The following ARID4B variants were observed in gnomAD, a reference collection of about 807,000 sequenced individuals.
ARID4B encodes AT-rich interactive domain-containing protein 4B.
In ARID4B, 26 loss-of-function variants were observed where a neutral mutation model predicts 147.5. That is an observed-to-expected ratio of 0.18 (90% confidence interval 0.13 to 0.24). ARID4B has a LOEUF of 0.24. Ranked by LOEUF, ARID4B falls within the 10% of genes least tolerant of loss-of-function variation. The probability of loss-of-function intolerance (pLI) is 1.00; values close to 1 mark genes in which losing one functional copy is unlikely to be tolerated. For missense variants in ARID4B, 1,179 were observed against 1,511.5 expected (o/e 0.78, Z 3.65); for synonymous variants, 512 against 507.9 (o/e 1.01, Z -0.11).
chr1:235,180,131 T>TTTTTTC (rs1269084980), intron 20 of ARID4B: 1 of 128,398 alleles, frequency 7.8e-6, no homozygotes. Flanking sequence ...TCTTTTCTTG[T>TTTTTTC]TTTTTCTTTT....
intron 2 of ARID4B, among the ~76,000 whole-genome samples, chr1:235,273,922 C>G (rs1263848471): frequency 1.3e-5 from 2 of 152,204 alleles, no homozygotes; most frequent in Non-Finnish European, 1.5e-5. Flanking sequence ...GAACATATCA[C>G]TTACTGTGAA....
intron 2 of ARID4B, among the ~76,000 whole-genome samples, chr1:235,292,921 AG>A (rs369452933): frequency 6.6e-6 from 1 of 152,372 alleles, no homozygotes; most frequent in African/African-American, 2.4e-5. Flanking sequence ...TACATAGTCA[AG>A]AAGAAAGCTC....
chr1:235,247,511 A>G (rs942959673), intron 6 of ARID4B, among the ~76,000 whole-genome samples: 3 of 152,190 alleles, frequency 2.0e-5, no homozygotes, highest in African/African-American at 7.2e-5. Context: ...TGTATCTAAC[A>G]ACGAACAGTA....
intron 12 of ARID4B, among the ~76,000 whole-genome samples, 164 bp downstream of exon 12, chr1:235,224,539 T>A (rs9787250): frequency 0.28 from 42,938 of 152,006 alleles, 7,432 homozygotes; most frequent in South Asian, 0.53. Context: ...ATTCTACTTG[T>A]TACGTGACAG....
intron 10 of ARID4B, among the ~76,000 whole-genome samples, chr1:235,230,614 AAAC>A (rs55881910): frequency 0.23 from 29,422 of 129,174 alleles, 4,124 homozygotes; most frequent in South Asian, 0.47. Flanking sequence ...AAAAAAAAAA[AAAC>A]CAGAAAAAAA....
chr1:235,236,287 A>G lies in ARID4B; in HGVS notation c.586-1795T>C, dbSNP rs140154180. ...TCAATTTTGGGAGGAGATAACATAC[A>G]TCAATAATTCTAAGAATTTAAAAAC... On this transcript the variant is annotated intron_variant, in intron 8 of 23. Coordinates refer to ENST00000264183, the MANE Select transcript of ARID4B (RefSeq NM_016374.6). Among the ~76,000 whole-genome samples, 398 of 152,254 alleles carry G rather than the reference A, an allele frequency of 2.6e-3. 2 individuals are homozygous for G. The highest frequency in any genetic ancestry group is 0.024 in the Middle Eastern group (7 of 294).
intron 2 of ARID4B, among the ~76,000 whole-genome samples, chr1:235,266,470 T>C (rs1670618191): frequency 6.6e-6 from 1 of 152,210 alleles, no homozygotes; most frequent in African/African-American, 2.4e-5. Flanking sequence ...ACCATCCCTT[T>C]GTTGAGCAAA....
chr1:235,305,154 G>A (rs1056614304), intron 2 of ARID4B, among the ~76,000 whole-genome samples: 59 of 152,188 alleles, frequency 3.9e-4, no homozygotes, highest in African/African-American at 1.4e-3. Flanking sequence ...GAGGGAGGCA[G>A]GAGAGATAGT....
chr1:235,260,846 AAC>A lies in ARID4B; in HGVS notation c.7-96_7-95del, dbSNP rs543292500. On this transcript the variant is annotated intron_variant, in intron 2 of 23. Coordinates refer to ENST00000264183, the MANE Select transcript of ARID4B (RefSeq NM_016374.6). Reference sequence around the variant, plus strand: ...AGTGAGCCTAATCTTGTTAAGCTACAACAGTTATAAATATGAAATGTATGTTA... The same window carrying A: ...AGTGAGCCTAATCTTGTTAAGCTACAAGTTATAAATATGAAATGTATGTTA... 3 of 785,296 alleles carry A rather than the reference AAC, an allele frequency of 3.8e-6. No homozygotes were observed. The African/African-American group carries it at 5.4e-5, about 14-fold the overall frequency. The allele number at this position is 785,296 out of a possible 1,614,324, so 48.6% of individuals were successfully genotyped here. A position where few individuals can be genotyped will look rare whatever the true frequency, so the allele number is the denominator to read the frequency against.
At chr1:235,205,113 G>C (rs188747225) in intron 17 of ARID4B, among the ~76,000 whole-genome samples, 1 of 151,750 alleles carries the variant, frequency 6.6e-6, no homozygotes, top group Non-Finnish European at 1.5e-5. Context: ...ATCATTACCA[G>C]GACAATTATT....
At chr1:235,269,872 T>C (rs1487856409) in intron 2 of ARID4B, among the ~76,000 whole-genome samples, 4 of 152,206 alleles carry the variant, frequency 2.6e-5, no homozygotes, top group Non-Finnish European at 5.9e-5. Context: ...CATTTGCATA[T>C]TTTTCTATTA....
At chr1:235,312,340 C>T (rs1371641964) in intron 2 of ARID4B, among the ~76,000 whole-genome samples, 1 of 152,100 alleles carries the variant, frequency 6.6e-6, no homozygotes, top group African/African-American at 2.4e-5. Context: ...AAGCCCATTT[C>T]AATACAGTCA....
intron 2 of ARID4B, among the ~76,000 whole-genome samples, chr1:235,303,978 C>T (rs1478453714): frequency 6.6e-6 from 1 of 152,112 alleles, no homozygotes; most frequent in Non-Finnish European, 1.5e-5. Context: ...ATTTTACATG[C>T]ATCATCATAT....
At chr1:235,309,713 CG>C (rs1354107521) in intron 2 of ARID4B, among the ~76,000 whole-genome samples, 1 of 151,486 alleles carries the variant, frequency 6.6e-6, no homozygotes, top group Non-Finnish European at 1.5e-5. Flanking sequence ...ATGACAATGG[CG>C]GTTTTGTGGA....
chr1:235,194,253 AT>A, intron 18 of ARID4B, 42 bp from the exon 19 acceptor site: 1 of 1,416,332 alleles, frequency 7.1e-7, no homozygotes, highest in Non-Finnish European at 9.9e-7. Flanking sequence ...ATCATAAGGC[AT>A]TTATCAGAAA....
intron 3 of ARID4B, among the ~76,000 whole-genome samples, chr1:235,259,717 G>C (rs992185413): frequency 3.9e-5 from 6 of 152,182 alleles, no homozygotes; most frequent in African/African-American, 1.4e-4. Flanking sequence ...TCCTAACCAG[G>C]AGTGTAAATT....
At chr1:235,229,149 T>G (rs202181367) in intron 11 of ARID4B, 82 bp downstream of exon 11, 53 of 1,476,522 alleles carry the variant, frequency 3.6e-5, no homozygotes, top group Non-Finnish European at 3.3e-5. Flanking sequence ...ATATGAGTAA[T>G]GACTTAATGC....
At position 235,255,521 on chromosome 1, in the gene ARID4B, G is replaced by T. The variant is rs868116395; in HGVS notation, c.274+139C>A. 1.2e-4 allele frequency: 64 copies of T among 540,602 alleles called. 1 individual carries two copies. In the South Asian group the frequency reaches 1.3e-3, roughly 11 times the overall value. The allele number at this position is 540,602 out of a possible 1,614,324, so 33.5% of individuals were successfully genotyped here. On this transcript the variant is annotated intron_variant, in intron 5 of 23. Transcript: ENST00000264183. The stretch of plus-strand genomic sequence containing the variant: ...ATACTTTGGAAATAAATTTTTAAAA[G>T]ATGTGGAAAGATAAAATCCAGTAAC...
chr1:235,236,664 C>G (rs1668577764), intron 8 of ARID4B, among the ~76,000 whole-genome samples: 1 of 149,718 alleles, frequency 6.7e-6, no homozygotes. Context: ...TAGGCTCCCG[C>G]CACCATGCTC....
Sources: allele counts gnomAD v4.1 joint callset (sites outside exome capture counted in the v4.1 genomes callset), GRCh38; gene constraint gnomAD v4.1.1; transcripts MANE v1.5; gene names NCBI Gene and HGNC (gene_info 2026-07-23, HGNC 2026-07-21).